MRPS5: variants seen among roughly 807,000 people sequenced by gnomAD.
MRPS5 encodes the protein mitochondrial ribosomal protein S5.
In MRPS5, 27 loss-of-function variants were observed where a neutral mutation model predicts 51.9. That is an observed-to-expected ratio of 0.52 (90% CI 0.38 to 0.72). The LOEUF (loss-of-function observed/expected upper bound fraction) is 0.72. Among genes scored for constraint, MRPS5 ranks in the 30% least tolerant of loss-of-function variants. The pLI is 0.00. For synonymous variants in MRPS5, 196 were observed against 193.2 expected (o/e 1.01, Z -0.12); for missense variants, 570 against 545.7 (o/e 1.04, Z -0.44).
At chr2:95,099,566 G>A (rs144023188) in intron 10 of MRPS5, among the ~76,000 whole-genome samples, 262 of 152,142 alleles carry the variant, frequency 1.7e-3, no homozygotes, top group Non-Finnish European at 2.0e-3. Context: ...CACATATTAC[G>A]TGCTCAATAG....
chr2:95,090,698 T>C, intron 10 of MRPS5, 176 bp from the exon 11 acceptor site: 2 of 613,928 alleles, frequency 3.3e-6, no homozygotes, highest in Non-Finnish European at 5.7e-6. Flanking sequence ...AAGATGACAC[T>C]TACTCAAACA....
intron 3 of MRPS5, among the ~76,000 whole-genome samples, chr2:95,111,870 T>G (rs562508967): frequency 6.6e-6 from 1 of 152,206 alleles, no homozygotes; most frequent in South Asian, 2.1e-4. Flanking sequence ...ATCAACATAA[T>G]TGTGTAATGG....
chr2:95,119,626 A>C (rs1248882778), intron 1 of MRPS5, among the ~76,000 whole-genome samples: 1 of 151,974 alleles, frequency 6.6e-6, no homozygotes, highest in Non-Finnish European at 1.5e-5. Context: ...AAAAAAAAAA[A>C]ACCCACATCC....
chr2:95,100,259 A>T (rs1041841875), intron 10 of MRPS5, among the ~76,000 whole-genome samples: 2 of 152,198 alleles, frequency 1.3e-5, no homozygotes, highest in African/African-American at 4.8e-5. Flanking sequence ...ACCGTAAATT[A>T]TTCCTGGAAC....
At chr2:95,098,922 T>A (rs1558679106) in intron 10 of MRPS5, among the ~76,000 whole-genome samples, 2 of 116,352 alleles carry the variant, frequency 1.7e-5, no homozygotes, top group Non-Finnish European at 3.7e-5. Context: ...ATTATTATTA[T>A]TTTTTTTTTT....
intron 6 of MRPS5, among the ~76,000 whole-genome samples, chr2:95,105,477 G>A (rs1420785429): frequency 6.6e-6 from 1 of 151,944 alleles, no homozygotes; most frequent in African/African-American, 2.4e-5. Context: ...GTCAACCCGG[G>A]AGGTGGAGCT....
At chr2:95,094,406 A>G (rs1250738145) in intron 10 of MRPS5, among the ~76,000 whole-genome samples, 1 of 152,174 alleles carries the variant, frequency 6.6e-6, no homozygotes, top group Non-Finnish European at 1.5e-5. Context: ...ACTCCTTGAG[A>G]AGAGCAACCC....
rs1573351682 is a variant in MRPS5 at position 95,115,320 on chromosome 2, A to C, written c.140-117T>G. Reference sequence around the variant, plus strand: ...GTCACTAAAATCCTGAACTTTTAAGAATCAGATTTTTAGGAGTCTTTCTTT... The same window carrying C: ...GTCACTAAAATCCTGAACTTTTAAGCATCAGATTTTTAGGAGTCTTTCTTT... On this transcript the variant is annotated intron_variant, in intron 2 of 11. Coordinates refer to ENST00000272418, the MANE Select transcript of MRPS5 (RefSeq NM_031902.5). 5.7e-6 allele frequency: 6 copies of C among 1,055,132 alleles called. No individual in the cohort carries two copies. In the Admixed American group the frequency reaches 1.5e-4, roughly 27 times the overall value. 65.4% of individuals were successfully genotyped at this position (1,055,132 alleles called of 1,614,324 possible).
At chr2:95,107,729 A>G (rs189060830) in intron 5 of MRPS5, among the ~76,000 whole-genome samples, 19 of 152,250 alleles carry the variant, frequency 1.2e-4, no homozygotes, top group Admixed American at 1.1e-3. Context: ...TTTGTTTTCA[A>G]ATTTGGCCTA....
At chr2:95,089,450 C>T (rs752032982) in intron 11 of MRPS5, among the ~76,000 whole-genome samples, 8 of 152,184 alleles carry the variant, frequency 5.3e-5, no homozygotes, top group Non-Finnish European at 8.8e-5. Context: ...TAAGGTCTAC[C>T]CATCCTTTCA....
intron 3 of MRPS5, 84 bp from the exon 4 acceptor site, chr2:95,110,125 G>C: frequency 6.6e-7 from 1 of 1,520,596 alleles, no homozygotes; most frequent in Non-Finnish European, 8.9e-7. Flanking sequence ...TAAGAGAAGT[G>C]GAGGTCAGCT....
intron 3 of MRPS5, among the ~76,000 whole-genome samples, chr2:95,114,343 C>T (rs1385386451): frequency 6.6e-6 from 1 of 151,282 alleles, no homozygotes. Flanking sequence ...CTGCAAGCTC[C>T]GCCTCCCGGG....
At chr2:95,092,756 T>C (rs1309384660) in intron 10 of MRPS5, 1 of 152,208 alleles carries the variant, frequency 6.6e-6, no homozygotes, top group Non-Finnish European at 1.5e-5. Flanking sequence ...CGTTCCAAGA[T>C]GGCCGAATAG....
Position 95,100,314 on chromosome 2 carries a change from T to C in MRPS5, c.931+160A>G, listed in dbSNP as rs550186485. Among the ~76,000 whole-genome samples the C allele has an allele frequency of 5.0e-4, 76 of 152,332 alleles. 1 individual carries two copies. Among genetic ancestry groups the C allele is most frequent in the Admixed American group, 3.3e-4 (5 of 15,296 alleles). On this transcript the variant is annotated intron_variant, in intron 10 of 11. Coordinates refer to ENST00000272418, the MANE Select transcript of MRPS5 (RefSeq NM_031902.5). ...CCTGTGTGCCTTGACTATTCTTATT[T>C]CTCCAAGAGCCTCATCGTTCTTAAA...
chr2:95,101,040 ATTTT>A, intron 8 of MRPS5, 146 bp from the exon 9 acceptor site: 1 of 630,830 alleles, frequency 1.6e-6, no homozygotes, highest in Non-Finnish European at 2.6e-6. Flanking sequence ...ATAAGGACTT[ATTTT>A]TTAAAACTCT....
chr2:95,108,038 A>C, intron 5 of MRPS5, 137 bp downstream of exon 5: 1 of 699,400 alleles, frequency 1.4e-6, no homozygotes, highest in Non-Finnish European at 2.4e-6. Flanking sequence ...TATTGATGTG[A>C]TATGTTATTT....
intron 2 of MRPS5, 24 bp downstream of exon 2, chr2:95,117,841 G>T (rs754835852): frequency 2.6e-6 from 4 of 1,550,628 alleles, no homozygotes; most frequent in Non-Finnish European, 3.5e-6. Context: ...TATGAGAAAA[G>T]GTAGTAGCAT....
chr2:95,105,836 A>G (rs1353617372), intron 6 of MRPS5, among the ~76,000 whole-genome samples: 1 of 152,282 alleles, frequency 6.6e-6, no homozygotes, highest in East Asian at 1.9e-4. Context: ...CAGAGGCTCA[A>G]TCACAAACTC....
At position 95,101,031 on chromosome 2, in the gene MRPS5, T is replaced by C. The variant is rs887158790; in HGVS notation, c.811-137A>G. Reference sequence around the variant, plus strand: ...AAGGTTAGTATATACTTCTAAAATATAAGGACTTATTTTTTAAAACTCTTA... The same window carrying C: ...AAGGTTAGTATATACTTCTAAAATACAAGGACTTATTTTTTAAAACTCTTA... On this transcript the variant is annotated intron_variant, in intron 8 of 11. Coordinates refer to ENST00000272418, the MANE Select transcript of MRPS5 (RefSeq NM_031902.5). The C allele has an allele frequency of 6.2e-6, 4 of 649,998 alleles. No individual in the cohort carries two copies. The African/African-American group carries it at 7.4e-5, about 12-fold the overall frequency. 40.3% of individuals were successfully genotyped at this position (649,998 alleles called of 1,614,324 possible). A position where few individuals can be genotyped will look rare whatever the true frequency, so the allele number is the denominator to read the frequency against.
Sources: allele counts gnomAD v4.1 joint callset (sites outside exome capture counted in the v4.1 genomes callset), GRCh38; gene constraint gnomAD v4.1.1; transcripts MANE v1.5; gene names NCBI Gene and HGNC (gene_info 2026-07-23, HGNC 2026-07-21).